TAFA5: variants seen among roughly 807,000 people sequenced by gnomAD.
TAFA5 encodes chemokine-like protein TAFA-5.
A neutral mutation model predicts 15.3 loss-of-function variants in TAFA5; 6 were observed. The ratio of observed to expected loss-of-function variants is 0.39; its 90% confidence interval spans 0.21 to 0.77. The LOEUF is 0.77. Among genes scored for constraint, TAFA5 ranks in the 30% least tolerant of loss-of-function variants. The probability of loss-of-function intolerance (pLI) is 0.41; values close to 1 mark genes in which losing one functional copy is unlikely to be tolerated. For missense variants in TAFA5, 161 were observed against 193.1 expected (o/e 0.83, Z 0.98); for synonymous variants, 103 against 80.7 (o/e 1.28, Z -1.48).
rs75681929 is a variant in TAFA5, at chr22:48,619,837, G to A, written c.113-26760G>A. ...TGCTGGGGTGGGAAGCGCTGTCCTC[G>A]TTGCTCTGGGCCCTGGCTCAGGAGC... On this transcript the variant is annotated intron_variant, in intron 1 of 3. Coordinates refer to ENST00000402357, the MANE Select transcript of TAFA5 (RefSeq NM_001082967.3). 5.2e-3 allele frequency among the ~76,000 whole-genome samples: 789 copies of A among 152,312 alleles called. 11 individuals carry two copies. The highest frequency in any genetic ancestry group is 0.046 in the East Asian group (240 of 5,166).
intron 1 of TAFA5, among the ~76,000 whole-genome samples, chr22:48,623,497 C>T (rs558272260): frequency 7.9e-5 from 12 of 152,132 alleles, no homozygotes; most frequent in South Asian, 2.1e-4. Context: ...GTGTTTGTGA[C>T]GGGTGTCGGT....
rs1298798018 is a variant in TAFA5, at chr22:48,579,781, G to A, written c.113-66816G>A. 1.3e-5 allele frequency among the ~76,000 whole-genome samples: 2 copies of A among 152,212 alleles called. 1 individual carries two copies. The highest frequency in any genetic ancestry group is 3.9e-4 in the East Asian group (2 of 5,180). On this transcript the variant is annotated intron_variant, in intron 1 of 3. Transcript: ENST00000402357. ...GATAGGAAAATACTTCAAAGAGGAA[G>A]GAATGCGGCAAGCCTGGGCCACCCA... is the stretch of plus-strand genomic sequence containing the variant.
intron 2 of TAFA5, among the ~76,000 whole-genome samples, chr22:48,699,576 A>G (rs1164162291): frequency 6.6e-6 from 1 of 152,134 alleles, no homozygotes; most frequent in Non-Finnish European, 1.5e-5. Flanking sequence ...GACGTGTCGC[A>G]TGAAGGCGTC....
chr22:48,605,979 G>A (rs963034922), intron 1 of TAFA5, among the ~76,000 whole-genome samples: 27 of 152,206 alleles, frequency 1.8e-4, no homozygotes, highest in Admixed American at 1.4e-3. Flanking sequence ...AGCTCTGTGT[G>A]CTGGGTGGCT....
intron 3 of TAFA5, among the ~76,000 whole-genome samples, chr22:48,711,292 G>A (rs1695634969): frequency 6.6e-6 from 1 of 152,140 alleles, no homozygotes; most frequent in African/African-American, 2.4e-5. Flanking sequence ...GGGGCTTGAA[G>A]ACCTGTCTCT....
intron 1 of TAFA5, among the ~76,000 whole-genome samples, chr22:48,535,100 C>G (rs552291654): frequency 6.6e-6 from 1 of 152,178 alleles, no homozygotes; most frequent in Admixed American, 6.5e-5. Context: ...TGGGGCCTCT[C>G]ACCCTGGGAT....
chr22:48,740,356 G>A (rs1384971570), intron 3 of TAFA5, among the ~76,000 whole-genome samples: 1 of 152,214 alleles, frequency 6.6e-6, no homozygotes, highest in Non-Finnish European at 1.5e-5. Flanking sequence ...GCGTGGCTCT[G>A]AGGACTCACA....
intron 1 of TAFA5, among the ~76,000 whole-genome samples, chr22:48,627,466 G>A (rs933239580): frequency 3.9e-5 from 6 of 152,284 alleles, no homozygotes; most frequent in African/African-American, 7.2e-5. Flanking sequence ...GACAGCGCAC[G>A]CAAAGAGTGC....
intron 2 of TAFA5, among the ~76,000 whole-genome samples, chr22:48,649,936 CTCCTGGTGCCTCA>C (rs1477554948): frequency 6.6e-6 from 1 of 152,210 alleles, no homozygotes; most frequent in East Asian, 1.9e-4. Context: ...CACCAGGAGC[CTCCTGGTGCCTCA>C]GGAGCCGGGT....
intron 1 of TAFA5, among the ~76,000 whole-genome samples, chr22:48,634,388 C>T (rs1480327872): frequency 2.6e-5 from 4 of 152,134 alleles, no homozygotes; most frequent in African/African-American, 4.8e-5. Flanking sequence ...TATTCAGTCA[C>T]GCACTCATTT....
intron 2 of TAFA5, among the ~76,000 whole-genome samples, chr22:48,704,804 C>A (rs946880376): frequency 2.2e-4 from 34 of 152,206 alleles, no homozygotes; most frequent in African/African-American, 6.7e-4. Flanking sequence ...CAAAACTCCG[C>A]ATACTGAGGG....
At chr22:48,641,703 G>T (rs1303163055) in intron 1 of TAFA5, among the ~76,000 whole-genome samples, 2 of 151,492 alleles carry the variant, frequency 1.3e-5, no homozygotes, top group South Asian at 2.1e-4. Context: ...CTCGCTAACT[G>T]GGAGCCCTCG....
At chr22:48,644,547 T>C (rs1926797293) in intron 1 of TAFA5, among the ~76,000 whole-genome samples, 1 of 152,128 alleles carries the variant, frequency 6.6e-6, no homozygotes. Context: ...TTGAGGACAG[T>C]CTGAGCCGTG....
chr22:48,658,525 G>A (rs923623945), intron 2 of TAFA5, among the ~76,000 whole-genome samples: 2 of 152,180 alleles, frequency 1.3e-5, no homozygotes, highest in Admixed American at 6.5e-5. Flanking sequence ...TGATGCGGCC[G>A]GCAGGTTCAG....
chr22:48,521,916 C>T (rs550653578), intron 1 of TAFA5, among the ~76,000 whole-genome samples: 47 of 148,546 alleles, frequency 3.2e-4, no homozygotes, highest in African/African-American at 1.1e-3. Flanking sequence ...AGCTGTAGCT[C>T]CTGCTCAGAC....
At chr22:48,557,986 C>T (rs553728313) in intron 1 of TAFA5, among the ~76,000 whole-genome samples, 14 of 152,312 alleles carry the variant, frequency 9.2e-5, no homozygotes, top group East Asian at 5.8e-4. Context: ...ATTGGAGCCA[C>T]GGAGCCCGCT....
chr22:48,570,334 T>C (rs1028713333), intron 1 of TAFA5, among the ~76,000 whole-genome samples: 2 of 152,234 alleles, frequency 1.3e-5, no homozygotes, highest in African/African-American at 2.4e-5. Context: ...TTATCTACAT[T>C]GTTTTTATGA....
rs1928079387 is a variant in TAFA5, at chr22:48,489,858, C to T, written c.112+154C>T. ...CCGAGTCCCGGCCGGTCCAACGCTG[C>T]GCTGGGCGGGCGAGAGGGTCCACCC... On this transcript the variant is annotated intron_variant, in intron 1 of 3. Coordinates refer to ENST00000402357, the MANE Select transcript of TAFA5 (RefSeq NM_001082967.3). This position sits in a 1 kb window ranked among gnomAD's most constrained non-coding sequence, Gnocchi z 5.5. 6.6e-6 allele frequency among the ~76,000 whole-genome samples: 1 copy of T among 151,710 alleles called. No individual in the cohort carries two copies. Among genetic ancestry groups the T allele is most frequent in the Non-Finnish European group, 1.5e-5 (1 of 67,898 alleles).
chr22:48,577,937 G>A (rs1923878534), intron 1 of TAFA5, among the ~76,000 whole-genome samples: 2 of 152,346 alleles, frequency 1.3e-5, no homozygotes, highest in African/African-American at 4.8e-5. Flanking sequence ...AGCACTTGGG[G>A]CTGGGGAGGC....
Sources: allele counts gnomAD v4.1 joint callset (sites outside exome capture counted in the v4.1 genomes callset), GRCh38; gene constraint gnomAD v4.1.1; non-coding constraint Gnocchi (gnomAD v3.1); transcripts MANE v1.5; gene names NCBI Gene and HGNC (gene_info 2026-07-23, HGNC 2026-07-21).